The following SLC2A12 variants were observed in gnomAD, a reference collection of about 807,000 sequenced individuals.
SLC2A12 encodes solute carrier family 2, facilitated glucose transporter member 12.
A neutral mutation model predicts 41.8 loss-of-function variants in SLC2A12; 23 were observed. The observed-to-expected ratio is 0.55, with a 90% CI of 0.40 to 0.78. The LOEUF is 0.78. Among genes scored for constraint, SLC2A12 ranks in the 30% least tolerant of loss-of-function variants. The pLI, the probability that SLC2A12 is intolerant of heterozygous loss-of-function variation, is 0.00. For missense variants in SLC2A12, 654 were observed against 745.6 expected (o/e 0.88, Z 1.43); for synonymous variants, 295 against 285.9 (o/e 1.03, Z -0.32).
At position 134,029,006 on chromosome 6, in the gene SLC2A12, G is replaced by A. The variant is rs759955290; in HGVS notation, c.819C>T (p.Asp273=). 1.9e-6 allele frequency: 3 copies of A among 1,614,206 alleles called. No homozygotes were observed. Among genetic ancestry groups the A allele is most frequent in the Non-Finnish European group, 2.5e-6 (3 of 1,180,036 alleles). The change falls in exon 2 of 5, where the codon GAC becomes GAT. Residue 273 remains aspartate (D), a synonymous_variant. Transcript: ENST00000275230. Reference sequence around the variant, plus strand: ...CTATCATTATTCGGGTCCGCATGTTGTCTTTTGAACGAAACAGATCCCAAA... The same window carrying A: ...CTATCATTATTCGGGTCCGCATGTTATCTTTTGAACGAAACAGATCCCAAA... ...YSFWDLFRSK[D]NMRTRIMIGL...
chr6:134,030,339 A>T (rs981330563), intron 1 of SLC2A12, among the ~76,000 whole-genome samples: 2 of 152,184 alleles, frequency 1.3e-5, no homozygotes, highest in African/African-American at 4.8e-5. Flanking sequence ...TGAATGCCTT[A>T]ACAAAGTCAA....
chr6:134,051,217 C>T (rs750222534), intron 1 of SLC2A12, among the ~76,000 whole-genome samples: 3 of 152,170 alleles, frequency 2.0e-5, no homozygotes, highest in Admixed American at 1.3e-4. Context: ...TGAGCCACCA[C>T]GCCCGGCCTC....
At chr6:133,998,172 T>C (rs1305102562) in intron 4 of SLC2A12, among the ~76,000 whole-genome samples, 1 of 152,192 alleles carries the variant, frequency 6.6e-6, no homozygotes, top group African/African-American at 2.4e-5. Context: ...ACAGATTCTT[T>C]CCCCACCCCA....
chr6:133,997,455 C>T (rs1195681432), intron 4 of SLC2A12, among the ~76,000 whole-genome samples: 4 of 152,080 alleles, frequency 2.6e-5, no homozygotes, highest in Non-Finnish European at 5.9e-5. Context: ...ATATATACAC[C>T]ATGGAATACT....
chr6:133,997,960 T>C (rs1472357586), intron 4 of SLC2A12, among the ~76,000 whole-genome samples: 1 of 152,232 alleles, frequency 6.6e-6, no homozygotes, highest in East Asian at 1.9e-4. Context: ...TTTATTTTTG[T>C]TCTTCATTAC....
chr6:134,004,117 GT>G lies in SLC2A12; in HGVS notation c.1568-1989del, dbSNP rs764546863. On this transcript the variant is annotated intron_variant, in intron 3 of 4. Transcript: ENST00000275230. ...CTAAAGCTTCACTAGCTCCTCCAGT[GT>G]ATTAGCTATAGCCCTCCCAGAGATG... Among the ~76,000 whole-genome samples, 26 of 152,200 alleles carry G rather than the reference GT, an allele frequency of 1.7e-4. 1 individual carries two copies. The highest frequency in any genetic ancestry group is 2.1e-4 in the Non-Finnish European group (14 of 68,032).
At chr6:134,049,705 T>C (rs1227679329) in intron 1 of SLC2A12, among the ~76,000 whole-genome samples, 1 of 152,202 alleles carries the variant, frequency 6.6e-6, no homozygotes, top group Non-Finnish European at 1.5e-5. Context: ...TTATTGAAAA[T>C]GAATTAAGTT....
intron 1 of SLC2A12, among the ~76,000 whole-genome samples, chr6:134,041,314 T>C (rs1222913241): frequency 6.6e-6 from 1 of 152,052 alleles, no homozygotes; most frequent in Non-Finnish European, 1.5e-5. Flanking sequence ...TTGGAGTCCC[T>C]GAAGAGATAC....
chr6:134,033,918 C>T (rs1000676254), intron 1 of SLC2A12, among the ~76,000 whole-genome samples: 1 of 151,840 alleles, frequency 6.6e-6, no homozygotes, highest in Non-Finnish European at 1.5e-5. Context: ...GAAGAGGGAC[C>T]CAACCTCTTC....
chr6:134,052,622 A>T lies in SLC2A12; in HGVS notation c.-142T>A. The T allele has an allele frequency of 1.6e-6, 1 of 634,482 alleles. No individual in the cohort carries two copies. Among genetic ancestry groups the T allele is most frequent in the Non-Finnish European group, 2.7e-6 (1 of 364,700 alleles). 39.3% of individuals were successfully genotyped at this position (634,482 alleles called of 1,614,324 possible). ...TCGGGCAAAGCTAATGTGATTTGTG[A>T]CCAACTTTGTTTCTATTTCCGAAGG... On this transcript the variant is annotated 5_prime_UTR_variant, in exon 1 of 5. Transcript: ENST00000275230.
chr6:134,041,448 C>G (rs1777380183), intron 1 of SLC2A12, among the ~76,000 whole-genome samples: 1 of 151,870 alleles, frequency 6.6e-6, no homozygotes, highest in Non-Finnish European at 1.5e-5. Flanking sequence ...TTACCTCTGC[C>G]CTTCAGCCAG....
At chr6:134,040,906 A>C (rs576274210) in intron 1 of SLC2A12, among the ~76,000 whole-genome samples, 18 of 152,328 alleles carry the variant, frequency 1.2e-4, no homozygotes, top group African/African-American at 3.1e-4. Flanking sequence ...TCAGTGTCTG[A>C]CACACCTTAT....
intron 1 of SLC2A12, among the ~76,000 whole-genome samples, chr6:134,048,684 G>A (rs2811687): frequency 0.42 from 63,330 of 152,098 alleles, 13,753 homozygotes; most frequent in South Asian, 0.59. Context: ...TGTTTTTAAA[G>A]CACTATAATT....
intron 2 of SLC2A12, among the ~76,000 whole-genome samples, chr6:134,026,087 T>C (rs897309365): frequency 6.6e-6 from 1 of 152,190 alleles, no homozygotes; most frequent in South Asian, 2.1e-4. Flanking sequence ...ATATGTGCCA[T>C]GACATATACC....
intron 1 of SLC2A12, among the ~76,000 whole-genome samples, chr6:134,038,678 TTATC>T (rs1777338873): frequency 6.8e-6 from 1 of 147,246 alleles, no homozygotes; most frequent in African/African-American, 2.5e-5. Context: ...GCTCTTCCTT[TTATC>T]CTTTCTTCCT....
intron 1 of SLC2A12, among the ~76,000 whole-genome samples, chr6:134,047,836 T>C (rs1321136758): frequency 6.6e-6 from 1 of 152,248 alleles, no homozygotes; most frequent in African/African-American, 2.4e-5. Flanking sequence ...AATCTCAGCC[T>C]GCTCAGATGG....
intron 4 of SLC2A12, among the ~76,000 whole-genome samples, chr6:133,996,632 C>T (rs568175897): frequency 2.0e-5 from 3 of 152,264 alleles, no homozygotes; most frequent in African/African-American, 7.2e-5. Context: ...GGGATTTCTA[C>T]ATCAGGACGG....
chr6:134,005,167 T>C (rs1000041630), intron 3 of SLC2A12, among the ~76,000 whole-genome samples: 1 of 152,238 alleles, frequency 6.6e-6, no homozygotes, highest in African/African-American at 2.4e-5. Flanking sequence ...TGGGTTATTT[T>C]ATTATAATAT....
intron 1 of SLC2A12, among the ~76,000 whole-genome samples, chr6:134,051,523 GA>G (rs1481461703): frequency 6.6e-6 from 1 of 152,222 alleles, no homozygotes; most frequent in African/African-American, 2.4e-5. Context: ...GGAAAGAGAA[GA>G]TTTTTTGTGT....
Sources: allele counts gnomAD v4.1 joint callset (sites outside exome capture counted in the v4.1 genomes callset), GRCh38; gene constraint gnomAD v4.1.1; transcripts MANE v1.5; gene names NCBI Gene and HGNC (gene_info 2026-07-23, HGNC 2026-07-21).